Variants in GART observed in about 807,000 individuals in gnomAD.
GART encodes the protein trifunctional purine biosynthetic protein adenosine-3.
In GART, 43 loss-of-function variants were observed where a neutral mutation model predicts 107.2. The ratio of observed to expected loss-of-function variants is 0.40; its 90% CI spans 0.31 to 0.52. The LOEUF (loss-of-function observed/expected upper bound fraction) is 0.52, where lower values mean the gene tolerates loss of function less well. Ranked by LOEUF, GART falls within the 20% of genes least tolerant of loss-of-function variation. The pLI, the probability that GART is intolerant of heterozygous loss-of-function variation, is 0.52. For missense variants in GART, 1,107 were observed against 1,206.5 expected (o/e 0.92, Z 1.22); for synonymous variants, 434 against 427.0 (o/e 1.02, Z -0.20).
chr21:33,542,197 C>T (rs1449479243), upstream of GART: 3 of 152,228 alleles, frequency 2.0e-5, no homozygotes, highest in Non-Finnish European at 4.4e-5. Context: ...CATTGGTCCG[C>T]GCGGCCCTGG....
At chr21:33,532,968 A>G (rs1236057035) in intron 4 of GART, among the ~76,000 whole-genome samples, 2 of 152,162 alleles carry the variant, frequency 1.3e-5, no homozygotes, top group African/African-American at 4.8e-5. Context: ...AGTGTTTAAG[A>G]AACTCTTTAG....
rs1226567265 is a variant in GART at position 33,520,413 on chromosome 21, A to T, written c.1653T>A (p.Val551=). Residue 551 remains valine, a synonymous_variant, in exon 14 of 22, where the codon GTT becomes GTA. Coordinates refer to ENST00000381815, the MANE Select transcript of GART (RefSeq NM_000819.5). ...GKLDLSVTEA[V]VAGIAKACGK... is the part of the protein sequence containing the mutation. The stretch of plus-strand genomic sequence containing the variant: ...CACAAGCTTTAGCAATTCCAGCAAC[A>T]ACAGCTTCAGTTACACTGAGGTCAA... 14 of 1,614,126 alleles carry T rather than the reference A, an allele frequency of 8.7e-6. No homozygotes were observed. Among genetic ancestry groups the T allele is most frequent in the Non-Finnish European group, 1.1e-5 (13 of 1,179,978 alleles).
Position 33,528,258 on chromosome 21 carries a change from C to A in GART, c.975G>T (p.Leu325=), listed in dbSNP as rs2085111950. ...CGGTGTGGTTTTCTAGCCAAACAGG[C>A]AGAGATGTGCAGAGCAGTCCATCTA... The part of the protein sequence containing the change: ...STLDGLLCTS[L]PVWLENHTAL... Residue 325 remains leucine, a synonymous_variant, in exon 10 of 22, where the codon CTG becomes CTT. Transcript: ENST00000381815. 1 of 1,614,042 alleles carries A rather than the reference C, an allele frequency of 6.2e-7. No homozygotes were observed. The highest frequency in any genetic ancestry group is 8.5e-7 in the Non-Finnish European group (1 of 1,179,980).
intron 3 of GART, 56 bp downstream of exon 3, chr21:33,535,169 C>T: frequency 9.4e-7 from 1 of 1,067,268 alleles, no homozygotes; most frequent in Non-Finnish European, 1.3e-6. Flanking sequence ...TTAGATGATC[C>T]CTAAGCTTCT....
chr21:33,522,938 G>C (rs970255415), intron 11 of GART, among the ~76,000 whole-genome samples: 4 of 152,192 alleles, frequency 2.6e-5, no homozygotes, highest in Non-Finnish European at 5.9e-5. Context: ...CCGTACACAA[G>C]TATCCCTAAA....
chr21:33,537,608 G>A lies in GART; in HGVS notation c.145+1563C>T, dbSNP rs76571548. Among the ~76,000 whole-genome samples the A allele has an allele frequency of 3.4e-3, 511 of 152,294 alleles. 3 individuals carry two copies. Among genetic ancestry groups the A allele is most frequent in the African/African-American group, 0.012 (487 of 41,552 alleles). ...TTGCTTTTAGTAAGAAACTGTAGGA[G>A]AGATATAATTAAGGAGGCTAACATT... On this transcript the variant is annotated intron_variant, in intron 2 of 21. Coordinates refer to ENST00000381815, the MANE Select transcript of GART (RefSeq NM_000819.5).
chr21:33,536,201 G>A (rs918372692), intron 2 of GART, among the ~76,000 whole-genome samples: 2 of 152,182 alleles, frequency 1.3e-5, no homozygotes, highest in African/African-American at 4.8e-5. Flanking sequence ...GTTGGGTCAG[G>A]AGGGATCTCT....
intron 14 of GART, among the ~76,000 whole-genome samples, chr21:33,518,093 C>G (rs1446340222): frequency 6.6e-6 from 1 of 152,180 alleles, no homozygotes; most frequent in East Asian, 1.9e-4. Context: ...TAGGCAGACT[C>G]CAAATAAGAA....
upstream of GART, chr21:33,542,326 C>T (rs561790708): frequency 6.6e-6 from 1 of 152,484 alleles, no homozygotes; most frequent in South Asian, 2.1e-4. Flanking sequence ...CGGGGTGCCA[C>T]GCAGTGTTTC....
At position 33,532,454 on chromosome 21, in the gene GART, G is replaced by A. The variant is rs911291205; in HGVS notation, c.419C>T (p.Ala140Val). 4 of 1,608,376 alleles carry A rather than the reference G, an allele frequency of 2.5e-6. No individual in the cohort carries two copies. Among genetic ancestry groups the A allele is most frequent in the Middle Eastern group, 1.6e-4 (1 of 6,078 alleles). ...CTTCACAACCAAAGCAGGGAAGTCT[G>A]CACTGTAAAGACAGAGTAATCGTCA... Reference protein sequence around the residue: ...PEEACSFILSADFPALVVKAS... With the variant: ...PEEACSFILSVDFPALVVKAS... Residue 140 changes from alanine (A) to valine (V), a missense_variant and splice_region_variant, in exon 5 of 22, where the codon GCA becomes GTA. Coordinates refer to ENST00000381815, the MANE Select transcript of GART (RefSeq NM_000819.5).
chr21:33,531,709 A>G, intron 5 of GART, 152 bp from the exon 6 acceptor site: 1 of 651,476 alleles, frequency 1.5e-6, no homozygotes, highest in South Asian at 2.1e-5. Flanking sequence ...CTCAAAGGGA[A>G]CATATAAATG....
chr21:33,534,648 C>T lies in GART; in HGVS notation c.347G>A (p.Arg116Lys), dbSNP rs1261915717. The change falls in exon 4 of 22, where the codon AGA (arginine) becomes AAA (lysine). Residue 116 changes from arginine to lysine, a missense_variant. Physicochemically the swap from Arg to Lys is conservative, Grantham distance 26 (BLOSUM62 2). Transcript: ENST00000381815. ...SKRFAKEFMDRHGIPTAQWKA... is the reference protein window; with the variant it reads ...SKRFAKEFMDKHGIPTAQWKA... The stretch of plus-strand genomic sequence containing the variant: ...CCATTGTGCGGTTGGGATTCCATGT[C>T]TGTCCATAAACTCTTTGGCAAACCT... 6.2e-7 allele frequency: 1 copy of T among 1,614,168 alleles called. No individual in the cohort carries two copies. Among genetic ancestry groups the T allele is most frequent in the Non-Finnish European group, 8.5e-7 (1 of 1,180,030 alleles).
intron 2 of GART, among the ~76,000 whole-genome samples, chr21:33,538,672 G>A (rs538432731): frequency 6.6e-6 from 1 of 152,298 alleles, no homozygotes; most frequent in African/African-American, 2.4e-5. Context: ...ATAAGGAAAT[G>A]CCATATTCTG....
Position 33,521,026 on chromosome 21 carries a change from G to C in GART, c.1394-11C>G. On this transcript the variant is annotated splice_polypyrimidine_tract_variant and intron_variant, in intron 12 of 21. Transcript: ENST00000381815. Reference sequence around the variant, plus strand: ...GATCAACTTTACAGCCTGTTGGAGAGGAAATTAATTACTTGCTACATTTTA... The same window carrying C: ...GATCAACTTTACAGCCTGTTGGAGACGAAATTAATTACTTGCTACATTTTA... 1 of 1,591,002 alleles carries C rather than the reference G, an allele frequency of 6.3e-7. No homozygotes were observed. Among genetic ancestry groups the C allele is most frequent in the Non-Finnish European group, 8.6e-7 (1 of 1,161,968 alleles).
At chr21:33,509,457 C>A (rs2084744999) in intron 18 of GART, 1 of 205,124 alleles carries the variant, frequency 4.9e-6, no homozygotes, top group Non-Finnish European at 9.7e-6. Context: ...TAAACTTCTT[C>A]TAATTAATAA....
chr21:33,520,419 T>C lies in GART; in HGVS notation c.1647A>G (p.Glu549=). 1 of 1,614,178 alleles carries C rather than the reference T, an allele frequency of 6.2e-7. No individual in the cohort carries two copies. The highest frequency in any genetic ancestry group is 8.5e-7 in the Non-Finnish European group (1 of 1,180,018). ...SCGKLDLSVT[E]AVVAGIAKAC... ...CTTTAGCAATTCCAGCAACAACAGC[T>C]TCAGTTACACTGAGGTCAAGTTTTC... The change falls in exon 14 of 22, where the codon GAA becomes GAG. Residue 549 remains glutamate (E), a synonymous_variant. Coordinates refer to ENST00000381815, the MANE Select transcript of GART (RefSeq NM_000819.5).
chr21:33,535,033 A>G (rs534612106), intron 3 of GART, among the ~76,000 whole-genome samples, 192 bp downstream of exon 3: 13 of 152,354 alleles, frequency 8.5e-5, no homozygotes, highest in Middle Eastern at 3.4e-3. Flanking sequence ...CATGGCTGCA[A>G]ATTTGATCTC....
chr21:33,528,723 TA>T, intron 8 of GART, 119 bp from the exon 9 acceptor site: 1 of 832,148 alleles, frequency 1.2e-6, no homozygotes, highest in Non-Finnish European at 1.7e-6. Context: ...GGAAAAATCA[TA>T]AACATTTAAA....
chr21:33,535,414 T>A (rs573605221), intron 2 of GART, 94 bp from the exon 3 acceptor site: 2 of 687,224 alleles, frequency 2.9e-6, no homozygotes, highest in Admixed American at 3.0e-5. Flanking sequence ...CTAAGTTCTA[T>A]ACTTTAGTAT....
Sources: gnomAD v4.1 joint callset for allele counts (sites outside exome capture counted in the v4.1 genomes callset) on GRCh38, gnomAD v4.1.1 for gene constraint, MANE v1.5 for transcripts, NCBI Gene and HGNC (gene_info 2026-07-23, HGNC 2026-07-21) for gene names.